Variants in C12orf42 observed in about 807,000 individuals in gnomAD.
C12orf42 encodes the protein chromosome 12 open reading frame 42.
In C12orf42, 25 loss-of-function variants were observed where a neutral mutation model predicts 21.6. The ratio of observed to expected loss-of-function variants is 1.16; its 90% CI spans 0.84 to 1.62. C12orf42 has a LOEUF of 1.62. C12orf42 is among the 40% of genes most tolerant of loss of function. The pLI is 0.00. For missense variants in C12orf42, 483 were observed against 459.3 expected (o/e 1.05, Z -0.47); for synonymous variants, 174 against 175.0 (o/e 0.99, Z 0.05).
rs1215403676 is a variant in C12orf42, at chr12:103,310,275, G to C, written c.260-3930C>G. 5.3e-5 allele frequency among the ~76,000 whole-genome samples: 8 copies of C among 151,724 alleles called. 2 individuals are homozygous for C. The highest frequency in any genetic ancestry group is 5.3e-4 in the Admixed American group (8 of 15,234). ...CCCTACTCTCTCTCTCTCTCTCTCT[G>C]TGTCTCTCCCTCTCACTTGCTCCTA... On this transcript the variant is annotated intron_variant, in intron 4 of 5. Transcript: ENST00000548883.
intron 10 of C12orf42, chr12:103,262,268 T>G (rs2034935094): frequency 6.6e-6 from 1 of 152,346 alleles, no homozygotes; most frequent in African/African-American, 2.4e-5. Context: ...ACATAAAGGT[T>G]TGTATTGCTG....
intron 1 of C12orf42, among the ~76,000 whole-genome samples, chr12:103,494,754 G>A (rs573966683): frequency 6.6e-6 from 1 of 152,226 alleles, no homozygotes; most frequent in African/African-American, 2.4e-5. Flanking sequence ...TGTGAATAGT[G>A]CCTAGCAGTT....
chr12:103,357,262 A>G (rs1186359344), intron 4 of C12orf42, among the ~76,000 whole-genome samples: 2 of 151,860 alleles, frequency 1.3e-5, no homozygotes, highest in African/African-American at 4.8e-5. Flanking sequence ...TAAACTGCAC[A>G]TTGTGCACAT....
chr12:103,552,765 C>T, the C12orf42 span, among the ~76,000 whole-genome samples: 1 of 152,076 alleles, frequency 6.6e-6, no homozygotes, highest in African/African-American at 2.4e-5. Context: ...TAAAGACATA[C>T]CCAAGACTGA....
intron 5 of C12orf42, among the ~76,000 whole-genome samples, chr12:103,273,255 G>A (rs1375255250): frequency 6.6e-6 from 1 of 152,102 alleles, no homozygotes; most frequent in East Asian, 1.9e-4. Flanking sequence ...TTCCATAAAA[G>A]AAGAAGGAAT....
intron 2 of C12orf42, among the ~76,000 whole-genome samples, chr12:103,471,547 A>G (rs1283507607): frequency 6.6e-6 from 1 of 152,238 alleles, no homozygotes; most frequent in Non-Finnish European, 1.5e-5. Flanking sequence ...GGTAAGTCAT[A>G]TTAACATATT....
chr12:103,315,168 TG>T (rs931232542), intron 4 of C12orf42, among the ~76,000 whole-genome samples: 47 of 152,296 alleles, frequency 3.1e-4, no homozygotes, highest in African/African-American at 1.0e-3. Context: ...ACATCATGCT[TG>T]GTTTTCAATA....
intron 3 of C12orf42, among the ~76,000 whole-genome samples, chr12:103,389,888 T>C (rs971725048): frequency 3.3e-5 from 5 of 152,230 alleles, no homozygotes; most frequent in African/African-American, 1.2e-4. Context: ...TCTGGGGCCA[T>C]TGTGCTCTTT....
chr12:103,148,569 C>T, the C12orf42 span, among the ~76,000 whole-genome samples: 20 of 152,102 alleles, frequency 1.3e-4, no homozygotes, highest in South Asian at 2.3e-3. Context: ...GATGCTAAAC[C>T]AAGTTCATCC....
At chr12:103,269,157 T>A (rs548299982) in intron 6 of C12orf42, among the ~76,000 whole-genome samples, 2 of 152,280 alleles carry the variant, frequency 1.3e-5, no homozygotes, top group South Asian at 4.1e-4. Flanking sequence ...TTTTGTAACC[T>A]ACAAAATGAA....
the C12orf42 span, among the ~76,000 whole-genome samples, chr12:103,149,708 C>T: frequency 3.9e-5 from 6 of 152,140 alleles, no homozygotes; most frequent in Admixed American, 3.9e-4. Context: ...AAGCTTGCTC[C>T]CCTTTGCTTT....
chr12:103,230,667 T>C, the C12orf42 span, among the ~76,000 whole-genome samples: 2 of 152,236 alleles, frequency 1.3e-5, no homozygotes, highest in Non-Finnish European at 2.9e-5. Context: ...CCTTCACTTA[T>C]TCATTCCCGA....
the C12orf42 span, among the ~76,000 whole-genome samples, chr12:103,094,654 G>A: frequency 2.6e-5 from 4 of 152,096 alleles, no homozygotes; most frequent in East Asian, 3.9e-4. Context: ...CCTCATAAAT[G>A]GTGTGACCCT....
chr12:103,413,968 G>A (rs2138969986), intron 2 of C12orf42, among the ~76,000 whole-genome samples: 1 of 152,170 alleles, frequency 6.6e-6, no homozygotes, highest in East Asian at 1.9e-4. Context: ...CTATAAACAT[G>A]CATGTGAAAA....
chr12:103,506,690 C>CAA, the C12orf42 span, among the ~76,000 whole-genome samples: 2 of 147,336 alleles, frequency 1.4e-5, no homozygotes, highest in Admixed American at 7.0e-5. Context: ...AGTAATGTTC[C>CAA]AATTGTAAAG....
intron 4 of C12orf42, among the ~76,000 whole-genome samples, chr12:103,282,049 A>G (rs1316641832): frequency 6.6e-6 from 1 of 152,200 alleles, no homozygotes; most frequent in Non-Finnish European, 1.5e-5. Context: ...AGTTATATGA[A>G]CCAATAACCT....
the C12orf42 span, among the ~76,000 whole-genome samples, chr12:103,535,482 T>C: frequency 1.3e-5 from 2 of 152,024 alleles, no homozygotes; most frequent in East Asian, 1.9e-4. Context: ...ATAGTGCTTA[T>C]ATGAGGCTAC....
chr12:103,369,215 A>C (rs1266320934), intron 3 of C12orf42, among the ~76,000 whole-genome samples: 2 of 152,208 alleles, frequency 1.3e-5, no homozygotes, highest in East Asian at 3.9e-4. Flanking sequence ...AAAGAGGCTA[A>C]TTAACTTAAT....
At chr12:103,554,828 G>A in the C12orf42 span, among the ~76,000 whole-genome samples, 2 of 152,158 alleles carry the variant, frequency 1.3e-5, no homozygotes, top group Non-Finnish European at 2.9e-5. Flanking sequence ...CCATGCCAAT[G>A]ATCCAGTCAC....
Sources: gnomAD v4.1 joint callset for allele counts (sites outside exome capture counted in the v4.1 genomes callset) on GRCh38, gnomAD v4.1.1 for gene constraint, MANE v1.5 for transcripts, NCBI Gene and HGNC (gene_info 2026-07-23, HGNC 2026-07-21) for gene names.